Variants in RASAL2 observed in about 807,000 individuals in gnomAD.
The protein encoded by RASAL2 is RAS protein activator like 2.
Under a neutral mutation model 128.9 loss-of-function variants are expected in RASAL2, and 58 were observed. The observed-to-expected ratio is 0.45, with a 90% CI of 0.36 to 0.56. The LOEUF (loss-of-function observed/expected upper bound fraction) is 0.56. Ranked by LOEUF, RASAL2 falls within the 20% of genes least tolerant of loss-of-function variation. RASAL2 has a pLI of 0.00. For synonymous variants in RASAL2, 561 were observed against 580.8 expected, an observed-to-expected ratio of 0.97 and a Z score of 0.49; for missense variants, 1,360 against 1,601.6, an observed-to-expected ratio of 0.85 and a Z score of 2.57.
At chr1:178,376,216 A>G (rs970998725) in intron 3 of RASAL2, among the ~76,000 whole-genome samples, 6 of 152,162 alleles carry the variant, frequency 3.9e-5, no homozygotes, top group African/African-American at 7.2e-5. Context: ...AGGCTTGACA[A>G]TGTAAGAGAC....
At chr1:178,345,121 T>C (rs959739601) in intron 3 of RASAL2, among the ~76,000 whole-genome samples, 5 of 152,208 alleles carry the variant, frequency 3.3e-5, no homozygotes, top group Non-Finnish European at 7.3e-5. Flanking sequence ...TTGGAAATAC[T>C]GTTAACTCAA....
At chr1:178,152,666 A>AAAAAC (rs202036426) in intron 1 of RASAL2, among the ~76,000 whole-genome samples, 8 of 152,178 alleles carry the variant, frequency 5.3e-5, no homozygotes, top group African/African-American at 1.7e-4. Flanking sequence ...TCTGTCTCAA[A>AAAAAC]AAAACAAAAC....
At chr1:178,128,508 C>G (rs527484632) in intron 1 of RASAL2, among the ~76,000 whole-genome samples, 6 of 152,214 alleles carry the variant, frequency 3.9e-5, no homozygotes, top group African/African-American at 1.4e-4. Flanking sequence ...CAATAATACT[C>G]TGTACATCTT....
intron 16 of RASAL2, among the ~76,000 whole-genome samples, chr1:178,466,579 A>G (rs1647727509): frequency 6.6e-6 from 1 of 152,250 alleles, no homozygotes; most frequent in African/African-American, 2.4e-5. Context: ...GACATGGGAC[A>G]CACACCTTTC....
At chr1:178,179,359 A>C (rs1156608619) in intron 1 of RASAL2, among the ~76,000 whole-genome samples, 1 of 152,196 alleles carries the variant, frequency 6.6e-6, no homozygotes, top group Non-Finnish European at 1.5e-5. Flanking sequence ...TAATGCCAAC[A>C]TTCACACTTG....
rs74128902 is a variant in RASAL2, at chr1:178,269,228, C to T, written c.203-14336C>T. Among the ~76,000 whole-genome samples the T allele has an allele frequency of 7.1e-3, 1,089 of 152,332 alleles. 19 individuals are homozygous for T. Among genetic ancestry groups the T allele is most frequent in the African/African-American group, 0.025 (1,030 of 41,572 alleles). On this transcript the variant is annotated intron_variant, in intron 1 of 17. Transcript: ENST00000367649. ...CTGTAAGCCAAGAAAGAGCCCTCAT[C>T]AGGAACTAAATTGGCCAGTACCTTG...
intron 1 of RASAL2, among the ~76,000 whole-genome samples, chr1:178,268,484 A>G (rs1666092447): frequency 6.6e-6 from 1 of 151,992 alleles, no homozygotes; most frequent in African/African-American, 2.4e-5. Context: ...AAGAAAAAAA[A>G]TTAGCTGGGT....
intron 2 of RASAL2, among the ~76,000 whole-genome samples, chr1:178,286,452 T>C (rs1667030983): frequency 1.3e-5 from 2 of 151,986 alleles, no homozygotes; most frequent in African/African-American, 4.8e-5. Context: ...CTCTTGTTTC[T>C]CAAGCTGGAG....
intron 1 of RASAL2, among the ~76,000 whole-genome samples, chr1:178,262,922 A>G (rs896284238): frequency 1.3e-5 from 2 of 151,832 alleles, no homozygotes; most frequent in African/African-American, 4.8e-5. Flanking sequence ...TCTGCTTGTA[A>G]CTGCTTCTCT....
intron 1 of RASAL2, among the ~76,000 whole-genome samples, chr1:178,228,161 C>A (rs1320258700): frequency 6.6e-6 from 1 of 152,074 alleles, no homozygotes; most frequent in African/African-American, 2.4e-5. Context: ...TTCTTTGATT[C>A]TTGCTTGTGT....
intron 3 of RASAL2, among the ~76,000 whole-genome samples, chr1:178,326,886 AC>A (rs1430683639): frequency 2.6e-5 from 4 of 151,856 alleles, no homozygotes; most frequent in African/African-American, 9.7e-5. Context: ...CTCCCATTTT[AC>A]CTATGTTATC....
chr1:178,250,153 A>T (rs1038450093), intron 1 of RASAL2, among the ~76,000 whole-genome samples: 4 of 152,106 alleles, frequency 2.6e-5, no homozygotes, highest in African/African-American at 7.2e-5. Flanking sequence ...TGGAACGTTT[A>T]TGTCTGCTGA....
At chr1:178,465,166 T>C (rs1240926661) in intron 15 of RASAL2, among the ~76,000 whole-genome samples, 1 of 152,152 alleles carries the variant, frequency 6.6e-6, no homozygotes, top group Admixed American at 6.6e-5. Context: ...CAAACATGTA[T>C]GTTCCAGCAA....
intron 1 of RASAL2, among the ~76,000 whole-genome samples, chr1:178,098,179 T>C (rs1468144359): frequency 6.6e-6 from 1 of 152,190 alleles, no homozygotes; most frequent in Non-Finnish European, 1.5e-5. Context: ...TGCCACCCCC[T>C]TCATTGTCAA....
chr1:178,454,054 C>G (rs1677584237), intron 11 of RASAL2, among the ~76,000 whole-genome samples: 1 of 151,648 alleles, frequency 6.6e-6, no homozygotes, highest in Non-Finnish European at 1.5e-5. Flanking sequence ...AAGTAAATAG[C>G]ATGGGCAAAA....
At chr1:178,308,165 C>G (rs557002444) in intron 3 of RASAL2, among the ~76,000 whole-genome samples, 1 of 152,026 alleles carries the variant, frequency 6.6e-6, no homozygotes, top group Non-Finnish European at 1.5e-5. Context: ...TCCTCAAAAA[C>G]CTATAAACAT....
chr1:178,465,980 G>A lies in RASAL2; in HGVS notation c.3448G>A (p.Glu1150Lys). The A allele has an allele frequency of 6.4e-7, 1 of 1,558,010 alleles. No individual in the cohort carries two copies. The highest frequency in any genetic ancestry group is 8.7e-7 in the Non-Finnish European group (1 of 1,149,946). The change falls in exon 16 of 18, where the codon GAA (glutamate) becomes AAA (lysine). Residue 1150 changes from glutamate (E) to lysine (K), a missense_variant. This residue lies in a region of RASAL2 where 741 missense variants were observed against 868.6 expected (regional missense o/e 0.85). Coordinates refer to ENST00000367649, the MANE Select transcript of RASAL2 (RefSeq NM_170692.4). ...GAGAGTTTCCAGCCGGCGACTGGAG[G>A]AATATGAACGCCGCTTGCTGGTGCA... ...RLRVSSRRLE[E>K]YERRLLVQEQ...
intron 5 of RASAL2, among the ~76,000 whole-genome samples, chr1:178,424,790 C>T (rs1675413572): frequency 6.6e-6 from 1 of 152,120 alleles, no homozygotes; most frequent in Admixed American, 6.6e-5. Flanking sequence ...AAATTATTCT[C>T]AGGAGGTCTG....
intron 9 of RASAL2, among the ~76,000 whole-genome samples, chr1:178,450,002 T>G (rs1223976194): frequency 6.6e-6 from 1 of 152,116 alleles, no homozygotes; most frequent in Non-Finnish European, 1.5e-5. Flanking sequence ...ATTGATTTCT[T>G]AGTTTTAAAT....
Sources: gnomAD v4.1 joint callset for allele counts (sites outside exome capture counted in the v4.1 genomes callset) on GRCh38, gnomAD v4.1.1 for gene constraint, gnomAD v4.1.1 regional missense constraint, MANE v1.5 for transcripts, NCBI Gene and HGNC (gene_info 2026-07-23, HGNC 2026-07-21) for gene names.